Variants in CLEC16A observed in about 807,000 individuals in gnomAD.
CLEC16A encodes the protein protein CLEC16A.
In CLEC16A, 51 loss-of-function variants were observed where a neutral mutation model predicts 109.5. The ratio of observed to expected loss-of-function variants is 0.47; its 90% CI spans 0.37 to 0.59. The LOEUF is 0.59. Ranked by LOEUF, CLEC16A falls within the 20% of genes least tolerant of loss-of-function variation. CLEC16A has a pLI of 0.00. For synonymous variants in CLEC16A, 673 were observed against 564.2 expected (o/e 1.19, Z -2.73); for missense variants, 1,339 against 1,394.0 (o/e 0.96, Z 0.63).
In CLEC16A at chr16:10,973,074, C is replaced by T. The variant is rs767288168; in HGVS notation, c.728+13C>T. The T allele has an allele frequency of 1.9e-6, 3 of 1,592,132 alleles. No individual in the cohort carries two copies. The highest frequency in any genetic ancestry group is 2.3e-5 in the East Asian group (1 of 44,382). The stretch of plus-strand genomic sequence containing the variant: ...AGACTGATGAGGAGTAAGTGACACC[C>T]CCAGGGCCACTCAGTAGATAGACAG... On this transcript the variant is annotated intron_variant, in intron 7 of 23. Transcript: ENST00000409790.
chr16:10,971,860 C>T (rs1596812950), intron 5 of CLEC16A, among the ~76,000 whole-genome samples: 1 of 152,244 alleles, frequency 6.6e-6, no homozygotes, highest in East Asian at 1.9e-4. Flanking sequence ...CTGCCTAATT[C>T]CTGGGTTATT....
intron 2 of CLEC16A, among the ~76,000 whole-genome samples, chr16:10,958,780 T>G (rs2042112281): frequency 6.6e-6 from 1 of 152,128 alleles, no homozygotes; most frequent in South Asian, 2.1e-4. Context: ...TGTGTGTGCC[T>G]GTGTTCCCAG....
At chr16:11,122,240 T>G (rs1336051456) in intron 20 of CLEC16A, among the ~76,000 whole-genome samples, 1 of 152,234 alleles carries the variant, frequency 6.6e-6, no homozygotes, top group Non-Finnish European at 1.5e-5. Context: ...TTCTTCAGGA[T>G]CTTTCTATTG....
At position 11,106,238 on chromosome 16, in the gene CLEC16A, A is replaced by G. The variant is rs567142573; in HGVS notation, c.2117-14377A>G. On this transcript the variant is annotated intron_variant, in intron 19 of 23. Transcript: ENST00000409790. ...TACAACCAAGTTGAAAGAATTGTAT[A>G]GTGAACACCCTCATACTTGTCTACT... 4.3e-4 allele frequency among the ~76,000 whole-genome samples: 65 copies of G among 152,314 alleles called. 1 individual carries two copies. Among genetic ancestry groups the G allele is most frequent in the African/African-American group, 1.4e-3 (60 of 41,572 alleles).
chr16:11,086,250 T>G (rs1033581756), intron 19 of CLEC16A, among the ~76,000 whole-genome samples: 8 of 152,164 alleles, frequency 5.3e-5, no homozygotes, highest in African/African-American at 1.9e-4. Flanking sequence ...GCCATGGGGC[T>G]GGTGGGGAGG....
At chr16:10,971,271 C>G (rs2042773321) in intron 5 of CLEC16A, 41 bp downstream of exon 5, 1 of 1,450,266 alleles carries the variant, frequency 6.9e-7, no homozygotes, top group Non-Finnish European at 9.6e-7. Flanking sequence ...TGATTTCTGA[C>G]TTGGCAGCAA....
At chr16:11,083,913 A>G (rs2049871639) in intron 19 of CLEC16A, among the ~76,000 whole-genome samples, 1 of 152,106 alleles carries the variant, frequency 6.6e-6, no homozygotes, top group South Asian at 2.1e-4. Context: ...CGGAATGGAA[A>G]CCAGCTTTTC....
At chr16:11,033,830 T>C (rs1049236589) in intron 13 of CLEC16A, among the ~76,000 whole-genome samples, 1 of 152,228 alleles carries the variant, frequency 6.6e-6, no homozygotes, top group East Asian at 1.9e-4. Context: ...AAGGCGCTTG[T>C]TGTGATTCAG....
chr16:11,045,907 C>T (rs1269528088), intron 16 of CLEC16A, among the ~76,000 whole-genome samples: 1 of 152,202 alleles, frequency 6.6e-6, no homozygotes, highest in African/African-American at 2.4e-5. Context: ...TGGAGATCGA[C>T]CTTGCCAGGC....
At chr16:11,176,411 C>G (rs1033160208) in intron 23 of CLEC16A, among the ~76,000 whole-genome samples, 2 of 152,194 alleles carry the variant, frequency 1.3e-5, no homozygotes, top group Admixed American at 6.5e-5. Flanking sequence ...CTCTCTCTCT[C>G]TCTCTCTCTT....
intron 12 of CLEC16A, among the ~76,000 whole-genome samples, chr16:11,022,196 G>T (rs1157888982): frequency 6.6e-6 from 1 of 152,144 alleles, no homozygotes; most frequent in African/African-American, 2.4e-5. Context: ...CTGAATGCCG[G>T]GTTAGAGACT....
intron 22 of CLEC16A, among the ~76,000 whole-genome samples, chr16:11,139,138 T>A (rs980671960): frequency 3.9e-5 from 6 of 152,116 alleles, no homozygotes; most frequent in Non-Finnish European, 8.8e-5. Context: ...GTCTTGTGGG[T>A]CTTGTTCTGT....
At chr16:11,017,587 G>A (rs1253511655) in intron 11 of CLEC16A, among the ~76,000 whole-genome samples, 2 of 152,180 alleles carry the variant, frequency 1.3e-5, no homozygotes, top group African/African-American at 2.4e-5. Flanking sequence ...AGGAGGAAAA[G>A]TGACTTCACA....
At chr16:11,107,661 C>G (rs2051305119) in intron 19 of CLEC16A, among the ~76,000 whole-genome samples, 1 of 152,236 alleles carries the variant, frequency 6.6e-6, no homozygotes, top group Admixed American at 6.5e-5. Flanking sequence ...TGTTCTGCCT[C>G]TTTCAGGTGA....
intron 19 of CLEC16A, among the ~76,000 whole-genome samples, chr16:11,074,499 G>A (rs1055439023): frequency 6.6e-6 from 1 of 152,208 alleles, no homozygotes; most frequent in African/African-American, 2.4e-5. Flanking sequence ...TTAAAGGAGA[G>A]GGTGATGTAG....
At chr16:11,160,772 C>T (rs1195529994) in intron 22 of CLEC16A, among the ~76,000 whole-genome samples, 2 of 152,242 alleles carry the variant, frequency 1.3e-5, no homozygotes, top group African/African-American at 2.4e-5. Context: ...TACACAAAGA[C>T]GTCAGGGACC....
intron 19 of CLEC16A, among the ~76,000 whole-genome samples, chr16:11,071,608 T>C (rs1417010880): frequency 6.6e-6 from 1 of 151,534 alleles, no homozygotes; most frequent in African/African-American, 2.4e-5. Context: ...TTCTTTTTTT[T>C]TTTTTTTTTT....
intron 21 of CLEC16A, among the ~76,000 whole-genome samples, 199 bp from the exon 22 acceptor site, chr16:11,125,780 C>T (rs752264296): frequency 2.2e-4 from 34 of 152,308 alleles, no homozygotes; most frequent in South Asian, 4.1e-4. Flanking sequence ...ACTTGGCTTC[C>T]GCTTGTGCGT....
In CLEC16A at chr16:11,115,316, G is replaced by C. The variant is rs141448658; in HGVS notation, c.2117-5299G>C. Reference sequence around the variant, plus strand: ...AGGAAAGAACATGTTTATTGTTTTTGTTCTATTTTTAAAGAGTATTTTTTA... The same window carrying C: ...AGGAAAGAACATGTTTATTGTTTTTCTTCTATTTTTAAAGAGTATTTTTTA... On this transcript the variant is annotated intron_variant, in intron 19 of 23. Coordinates refer to ENST00000409790, the MANE Select transcript of CLEC16A (RefSeq NM_015226.3). 7.6e-3 allele frequency among the ~76,000 whole-genome samples: 1,157 copies of C among 152,304 alleles called. 13 individuals are homozygous for C. Among genetic ancestry groups the C allele is most frequent in the African/African-American group, 0.026 (1,086 of 41,556 alleles).
Sources: allele counts gnomAD v4.1 joint callset (sites outside exome capture counted in the v4.1 genomes callset), GRCh38; gene constraint gnomAD v4.1.1; transcripts MANE v1.5; gene names NCBI Gene and HGNC (gene_info 2026-07-23, HGNC 2026-07-21).